MEP1A: variants seen among roughly 807,000 people sequenced by gnomAD.
The protein encoded by MEP1A is meprin A subunit alpha.
A neutral mutation model predicts 84.5 loss-of-function variants in MEP1A; 68 were observed. That is an observed-to-expected ratio of 0.80 (90% CI 0.66 to 0.98). The LOEUF is 0.98. MEP1A is among the 50% of genes least tolerant of loss of function. The pLI is 0.00. For synonymous variants in MEP1A, 337 were observed against 336.8 expected (o/e 1.00, Z -0.01); for missense variants, 887 against 919.9 (o/e 0.96, Z 0.46).
the MEP1A span, among the ~76,000 whole-genome samples, chr6:46,845,795 A>G: frequency 6.6e-6 from 1 of 152,164 alleles, no homozygotes; most frequent in Admixed American, 6.6e-5. Context: ...CTGAAGGTGT[A>G]CCAATCTAGT....
chr6:46,809,338 C>T (rs1767435234), intron 5 of MEP1A, 82 bp from the exon 6 acceptor site: 1 of 831,072 alleles, frequency 1.2e-6, no homozygotes, highest in Admixed American at 2.6e-5. Flanking sequence ...AATGTGGCAG[C>T]ATGGTTTTCT....
chr6:46,808,039 A>G (rs938662128), intron 5 of MEP1A, among the ~76,000 whole-genome samples: 1 of 152,062 alleles, frequency 6.6e-6, no homozygotes, highest in Non-Finnish European at 1.5e-5. Context: ...AGAAGGAAGA[A>G]AAGGTATAAT....
At chr6:46,824,809 T>C (rs1273790754) in intron 7 of MEP1A, among the ~76,000 whole-genome samples, 3 of 124,324 alleles carry the variant, frequency 2.4e-5, no homozygotes, top group Non-Finnish European at 4.7e-5. Flanking sequence ...ATATAAATGA[T>C]GTATTTAATT....
intron 7 of MEP1A, among the ~76,000 whole-genome samples, chr6:46,821,074 C>T (rs1767762558): frequency 6.6e-6 from 1 of 152,052 alleles, no homozygotes; most frequent in African/African-American, 2.4e-5. Context: ...AAATATGAAT[C>T]CTCAAAAGTT....
At chr6:46,837,181 A>G (rs1265201216) in intron 13 of MEP1A, among the ~76,000 whole-genome samples, 4 of 152,156 alleles carry the variant, frequency 2.6e-5, no homozygotes, top group Non-Finnish European at 5.9e-5. Context: ...ATTAATTATA[A>G]TCTCCTGTAA....
rs530426686 is a variant in MEP1A at position 46,794,785 on chromosome 6, G to T, written c.145+1069G>T. 5.5e-4 allele frequency among the ~76,000 whole-genome samples: 84 copies of T among 152,358 alleles called. 1 individual carries two copies. The highest frequency in any genetic ancestry group is 1.0e-3 in the South Asian group (5 of 4,826). On this transcript the variant is annotated intron_variant, in intron 3 of 13. Transcript: ENST00000230588. ...TTTAGAGTTAGCCATTGTGTAAACA[G>T]TTCAGAGAATCTGCTGTATTTTACA...
chr6:46,797,840 C>CTTTCTT (rs1562102655), intron 3 of MEP1A, among the ~76,000 whole-genome samples: 1 of 68,332 alleles, frequency 1.5e-5, no homozygotes, highest in East Asian at 5.6e-4. Flanking sequence ...CTTTCTTTCT[C>CTTTCTT]TCTCTCTTTC....
At chr6:46,821,333 A>C (rs369722320) in intron 7 of MEP1A, among the ~76,000 whole-genome samples, 2 of 152,160 alleles carry the variant, frequency 1.3e-5, no homozygotes, top group Non-Finnish European at 2.9e-5. Flanking sequence ...ACCACCACCC[A>C]CTGAACCAGA....
chr6:46,804,224 T>C (rs1192473202), intron 5 of MEP1A, among the ~76,000 whole-genome samples: 3 of 151,706 alleles, frequency 2.0e-5, no homozygotes, highest in Admixed American at 6.6e-5. Flanking sequence ...ATTCTGGTTT[T>C]TCTTTTACCT....
At chr6:46,844,994 T>G in the MEP1A span, among the ~76,000 whole-genome samples, 3 of 152,174 alleles carry the variant, frequency 2.0e-5, no homozygotes, top group Non-Finnish European at 4.4e-5. Flanking sequence ...TCTCTCACCT[T>G]CAAGTCTTGC....
intron 13 of MEP1A, among the ~76,000 whole-genome samples, chr6:46,836,232 C>A (rs1382540989): frequency 6.6e-6 from 1 of 152,184 alleles, no homozygotes; most frequent in Admixed American, 6.5e-5. Context: ...GTCTGTCTGG[C>A]AGCACAGTTT....
At chr6:46,826,913 G>A (rs929440047) in intron 9 of MEP1A, among the ~76,000 whole-genome samples, 12 of 152,252 alleles carry the variant, frequency 7.9e-5, no homozygotes, top group Admixed American at 3.9e-4. Flanking sequence ...AGAAAACCGT[G>A]AAATTAATTG....
At position 46,839,357 on chromosome 6, in the gene MEP1A, A is replaced by G. The variant is rs1463824203; in HGVS notation, c.*221A>G. On this transcript the variant is annotated 3_prime_UTR_variant, in exon 14 of 14. Coordinates refer to ENST00000230588, the MANE Select transcript of MEP1A (RefSeq NM_005588.3). The stretch of plus-strand genomic sequence containing the variant: ...TCTAGTGTGTCCTGTGACAACACTC[A>G]TCACACTTCATTGTAAATCACTTGT... 3 of 386,874 alleles carry G rather than the reference A, an allele frequency of 7.8e-6. No individual in the cohort carries two copies. The highest frequency in any genetic ancestry group is 1.4e-5 in the Non-Finnish European group (3 of 215,294). 24.0% of individuals were successfully genotyped at this position (386,874 alleles called of 1,614,324 possible).
chr6:46,823,035 ATTG>A (rs1767819342), intron 7 of MEP1A, among the ~76,000 whole-genome samples: 1 of 152,112 alleles, frequency 6.6e-6, no homozygotes, highest in South Asian at 2.1e-4. Flanking sequence ...TGTTAGAGCC[ATTG>A]TTTCTTTTAG....
intron 3 of MEP1A, among the ~76,000 whole-genome samples, chr6:46,797,205 T>C (rs1239293931): frequency 1.3e-5 from 2 of 152,234 alleles, no homozygotes; most frequent in Non-Finnish European, 2.9e-5. Flanking sequence ...CTCGTGAGAC[T>C]GTGGTAATTA....
At chr6:46,819,939 A>G (rs1767729408) in intron 7 of MEP1A, among the ~76,000 whole-genome samples, 1 of 152,212 alleles carries the variant, frequency 6.6e-6, no homozygotes, top group Admixed American at 6.5e-5. Context: ...CTGAAAGTTA[A>G]CCAGAAGCTT....
rs1767444588 is a variant in MEP1A at position 46,809,624 on chromosome 6, A to G, written c.380+87A>G. 7.3e-6 allele frequency: 6 copies of G among 820,486 alleles called. 1 individual carries two copies. Among genetic ancestry groups the G allele is most frequent in the South Asian group, 1.6e-5 (1 of 61,192 alleles). 50.8% of individuals were successfully genotyped at this position (820,486 alleles called of 1,614,324 possible). A position where few individuals can be genotyped will look rare whatever the true frequency, so the allele number is the denominator to read the frequency against. On this transcript the variant is annotated intron_variant, in intron 6 of 13. Transcript: ENST00000230588. ...TCCCCGAGTCCCCAAAGTCCAATGT[A>G]TCATTCTTTTGTCTTTGCGTCCTCA... is the stretch of plus-strand genomic sequence containing the variant.
chr6:46,838,665 CCTGGAT>C (rs1768271519), intron 13 of MEP1A, among the ~76,000 whole-genome samples: 2 of 152,300 alleles, frequency 1.3e-5, no homozygotes, highest in African/African-American at 4.8e-5. Flanking sequence ...GGCTGAGAGT[CCTGGAT>C]CTGGAGGCAT....
At position 46,807,840 on chromosome 6, in the gene MEP1A, G is replaced by GAAAGAAAGA. The variant is rs1562107182; in HGVS notation, c.263-1578_263-1577insAGAAAGAAA. Among the ~76,000 whole-genome samples the GAAAGAAAGA allele has an allele frequency of 1.3e-3, 143 of 107,866 alleles. 8 individuals are homozygous for GAAAGAAAGA. The highest frequency in any genetic ancestry group is 8.6e-3 in the Middle Eastern group (2 of 232). The allele number at this position is 107,866 out of a possible 152,430, so 70.8% of individuals were successfully genotyped here. A position where few individuals can be genotyped will look rare whatever the true frequency, so the allele number is the denominator to read the frequency against. ...GAAAGAAAGAAAGAAAGAAAGAAAG[G>GAAAGAAAGA]AAGAAAGGAAATAAATCAGTCAAAT... is the stretch of plus-strand genomic sequence containing the variant. On this transcript the variant is annotated intron_variant, in intron 5 of 13. Coordinates refer to ENST00000230588, the MANE Select transcript of MEP1A (RefSeq NM_005588.3).
Sources: allele counts gnomAD v4.1 joint callset (sites outside exome capture counted in the v4.1 genomes callset), GRCh38; gene constraint gnomAD v4.1.1; transcripts MANE v1.5; gene names NCBI Gene and HGNC (gene_info 2026-07-23, HGNC 2026-07-21).